The following SERINC1 variants were observed in gnomAD, a reference collection of about 807,000 sequenced individuals.
SERINC1 encodes serine incorporator 1, also known as tumor differentially expressed protein 2.
SERINC1 carries 38 observed loss-of-function variants against 52.9 expected under a neutral mutation model. The ratio of observed to expected loss-of-function variants is 0.72; its 90% CI spans 0.55 to 0.94. SERINC1 has a LOEUF of 0.94. Ranked by LOEUF, SERINC1 falls within the 40% of genes least tolerant of loss-of-function variation. SERINC1 has a pLI of 0.00. For missense variants in SERINC1, 471 were observed against 533.9 expected, an observed-to-expected ratio of 0.88 and a Z score of 1.16; for synonymous variants, 198 against 183.1, an observed-to-expected ratio of 1.08 and a Z score of -0.66.
In SERINC1 at chr6:122,448,042, C is replaced by T. The variant is rs572474507; in HGVS notation, c.851-777G>A. On this transcript the variant is annotated intron_variant, in intron 7 of 9. Transcript: ENST00000339697. ...GGCAGAAAGACTCGAACCCGGGAGG[C>T]GGTTGCAGTGAGCCGAGATCATGCC... Among the ~76,000 whole-genome samples, 6 of 148,712 alleles carry T rather than the reference C, an allele frequency of 4.0e-5. No individual in the cohort carries two copies. The South Asian group carries it at 8.5e-4, about 21-fold the overall frequency.
At chr6:122,470,375 T>C (rs1383182219) in intron 1 of SERINC1, among the ~76,000 whole-genome samples, 3 of 152,188 alleles carry the variant, frequency 2.0e-5, no homozygotes, top group South Asian at 2.1e-4. Context: ...CTCTATTATA[T>C]ACAAAAAACT....
intron 5 of SERINC1, among the ~76,000 whole-genome samples, chr6:122,453,430 C>CT (rs1774945664): frequency 6.6e-6 from 1 of 152,148 alleles, no homozygotes; most frequent in African/African-American, 2.4e-5. Flanking sequence ...TAGCAATCCT[C>CT]TTCCCTTTAA....
intron 7 of SERINC1, among the ~76,000 whole-genome samples, chr6:122,450,317 C>T (rs1295010212): frequency 1.3e-5 from 2 of 152,198 alleles, no homozygotes; most frequent in East Asian, 1.9e-4. Context: ...GATGACAGCA[C>T]ATCTGTTGAA....
At position 122,444,609 on chromosome 6, in the gene SERINC1, T is replaced by A. The variant is rs11966733; in HGVS notation, c.*435A>T. On this transcript the variant is annotated 3_prime_UTR_variant, in exon 10 of 10. Transcript: ENST00000339697. ...AGACAACTGGCATTTAAGTGACTTG[T>A]TTATAAATTTTAAAATAAACCATGT... 0.015 allele frequency: 2,321 copies of A among 155,244 alleles called. 25 individuals are homozygous for A. Among genetic ancestry groups the A allele is most frequent in the South Asian group, 0.031 (157 of 5,068 alleles). The allele number at this position is 155,244 out of a possible 1,614,324, so 9.6% of individuals were successfully genotyped here.
chr6:122,444,989 T>C lies in SERINC1; in HGVS notation c.*55A>G. 7 of 1,558,530 alleles carry C rather than the reference T, an allele frequency of 4.5e-6. No individual in the cohort carries two copies. The highest frequency in any genetic ancestry group is 6.1e-6 in the Non-Finnish European group (7 of 1,142,408). On this transcript the variant is annotated 3_prime_UTR_variant, in exon 10 of 10. Transcript: ENST00000339697. ...TACACAACTTTACAAAAGTTGGGAA[T>C]ACTGTTTTCAAATAAGCAATAATCA... is the stretch of plus-strand genomic sequence containing the variant.
At chr6:122,460,990 A>T (rs1164045045) in intron 1 of SERINC1, among the ~76,000 whole-genome samples, 3 of 152,176 alleles carry the variant, frequency 2.0e-5, no homozygotes, top group Non-Finnish European at 4.4e-5. Context: ...CTGAAGACAT[A>T]AGAAAATAAA....
At chr6:122,455,129 C>T (rs530286023) in intron 3 of SERINC1, among the ~76,000 whole-genome samples, 17 of 152,060 alleles carry the variant, frequency 1.1e-4, no homozygotes, top group East Asian at 5.8e-4. Flanking sequence ...GAGATGTATA[C>T]GGGTTCAAGT....
rs963517708 is a variant in SERINC1 at position 122,471,794 on chromosome 6, G to A, written c.-57C>T. ...ACAAGATGGAGACAGCTTCTTTCTC[G>A]CCTTTCCGAGATTATTTACTATCTG... On this transcript the variant is annotated 5_prime_UTR_variant, in exon 1 of 10. Coordinates refer to ENST00000339697, the MANE Select transcript of SERINC1 (RefSeq NM_020755.4). 1.9e-6 allele frequency: 3 copies of A among 1,612,030 alleles called. No homozygotes were observed. The highest frequency in any genetic ancestry group is 1.1e-5 in the South Asian group (1 of 91,018).
intron 7 of SERINC1, among the ~76,000 whole-genome samples, 168 bp from the exon 8 acceptor site, chr6:122,447,433 G>T (rs1161637977): frequency 6.6e-6 from 1 of 152,170 alleles, no homozygotes; most frequent in East Asian, 1.9e-4. Context: ...TTATTAATAA[G>T]ACCTTTGAAG....
intron 1 of SERINC1, among the ~76,000 whole-genome samples, chr6:122,469,257 T>A (rs1017581487): frequency 2.0e-5 from 3 of 152,216 alleles, no homozygotes; most frequent in South Asian, 2.1e-4. Context: ...TTTACTAAAT[T>A]TGATTAAGCC....
At position 122,446,856 on chromosome 6, in the gene SERINC1, C is replaced by T. The variant is rs570214246; in HGVS notation, c.1144G>A (p.Val382Ile). 6.2e-7 allele frequency: 1 copy of T among 1,613,896 alleles called. No individual in the cohort carries two copies. Residue 382 changes from valine to isoleucine, a missense_variant, in exon 9 of 10, where the codon GTC becomes ATC. By Grantham distance (29) the Val-to-Ile change is conservative. Transcript: ENST00000339697. ...TGAAAGAAGGAATAACTGTAAGTGA[C>T]ACCATCCCTTTCATTATCTACAGCT... is the stretch of plus-strand genomic sequence containing the variant. Reference protein sequence around the residue: ...HRAVDNERDGVTYSYSFFHFM... With the variant: ...HRAVDNERDGITYSYSFFHFM...
Position 122,444,787 on chromosome 6 carries a change from G to A in SERINC1, c.*257C>T, listed in dbSNP as rs1774754744. ...CTCTTCATTTCACAACTATAGAGCA[G>A]AGAATAAGCCCAATAATGGCCACTT... On this transcript the variant is annotated 3_prime_UTR_variant, in exon 10 of 10. Transcript: ENST00000339697. 1 of 389,694 alleles carries A rather than the reference G, an allele frequency of 2.6e-6. No individual in the cohort carries two copies. The highest frequency in any genetic ancestry group is 4.6e-6 in the Non-Finnish European group (1 of 218,596). 24.1% of individuals were successfully genotyped at this position (389,694 alleles called of 1,614,324 possible).
chr6:122,445,452 T>C (rs1018926990), intron 9 of SERINC1, among the ~76,000 whole-genome samples: 1 of 152,102 alleles, frequency 6.6e-6, no homozygotes, highest in Non-Finnish European at 1.5e-5. Flanking sequence ...GCCATGTTAT[T>C]AGACAGAAGA....
At chr6:122,452,802 T>A (rs1393699522) in intron 5 of SERINC1, among the ~76,000 whole-genome samples, 2 of 152,164 alleles carry the variant, frequency 1.3e-5, no homozygotes, top group African/African-American at 4.8e-5. Flanking sequence ...TCAATGTAAG[T>A]GAAATTTCCA....
chr6:122,449,736 G>A (rs1774871477), intron 7 of SERINC1, among the ~76,000 whole-genome samples: 1 of 152,190 alleles, frequency 6.6e-6, no homozygotes, highest in Non-Finnish European at 1.5e-5. Context: ...AGCTACACTG[G>A]TCAGGCATGG....
In SERINC1 at chr6:122,446,760, T is replaced by A; in HGVS notation, c.1226+14A>T. 6.4e-7 allele frequency: 1 copy of A among 1,554,880 alleles called. No individual in the cohort carries two copies. The highest frequency in any genetic ancestry group is 8.9e-7 in the Non-Finnish European group (1 of 1,127,044). ...AGAATTCACACATCCAGAGTTTTCA[T>A]GAAATATAAATACCTGTACCAGTTG... On this transcript the variant is annotated intron_variant, in intron 9 of 9. Coordinates refer to ENST00000339697, the MANE Select transcript of SERINC1 (RefSeq NM_020755.4).
At chr6:122,447,295 G>A in intron 7 of SERINC1, 30 bp from the exon 8 acceptor site, 2 of 1,540,050 alleles carry the variant, frequency 1.3e-6, no homozygotes, top group Non-Finnish European at 1.8e-6. Flanking sequence ...TAAAATGTTA[G>A]AATATATTAA....
At position 122,453,903 on chromosome 6, in the gene SERINC1, C is replaced by T. The variant is rs935528532; in HGVS notation, c.456G>A (p.Trp152Ter). 6.3e-7 allele frequency: 1 copy of T among 1,590,446 alleles called. No individual in the cohort carries two copies. Among genetic ancestry groups the T allele is most frequent in the African/African-American group, 1.3e-5 (1 of 74,212 alleles). Residue 152 changes from tryptophan (W) to a stop codon, truncating the protein, a stop_gained, in exon 5 of 10, where the codon TGG becomes TGA. Transcript: ENST00000339697. LOFTEE classifies it high-confidence loss of function. The part of the protein sequence containing the change: ...FIPEGTFTTV[W>*]FYVGMAGAFC... ...AGGCACCTGCCATGCCTACATAAAA[C>T]CACACTGAAAGGGAAAGAAAGCATA... is the stretch of plus-strand genomic sequence containing the variant.
In SERINC1 at chr6:122,458,731, T is replaced by C. The variant is rs1249782882; in HGVS notation, c.40-50A>G. The stretch of plus-strand genomic sequence containing the variant: ...ATATTATTAAGAATCAGTAAATCAC[T>C]ATATCTTAAAATGATACAATGAAAA... On this transcript the variant is annotated intron_variant, in intron 1 of 9. Coordinates refer to ENST00000339697, the MANE Select transcript of SERINC1 (RefSeq NM_020755.4). 4.7e-6 allele frequency: 6 copies of C among 1,267,274 alleles called. No individual in the cohort carries two copies. In the South Asian group the frequency reaches 8.6e-5, roughly 18 times the overall value. The allele number at this position is 1,267,274 out of a possible 1,614,324, so 78.5% of individuals were successfully genotyped here. A position where few individuals can be genotyped will look rare whatever the true frequency, so the allele number is the denominator to read the frequency against.
Sources: allele counts gnomAD v4.1 joint callset (sites outside exome capture counted in the v4.1 genomes callset), GRCh38; gene constraint gnomAD v4.1.1; transcripts MANE v1.5; gene names NCBI Gene and HGNC (gene_info 2026-07-23, HGNC 2026-07-21).